Variants in NEK11 observed in about 807,000 individuals in gnomAD.
NEK11 encodes the protein NIMA related kinase 11.
A neutral mutation model predicts 80.7 loss-of-function variants in NEK11; 72 were observed. That is an observed-to-expected ratio of 0.89 (90% confidence interval 0.74 to 1.08). NEK11 has a LOEUF of 1.08. Among genes scored for constraint, NEK11 ranks in the 50% least tolerant of loss-of-function variants. NEK11 has a pLI of 0.00. For missense variants in NEK11, 764 were observed against 763.6 expected (o/e 1.00, Z -0.01); for synonymous variants, 251 against 260.7 (o/e 0.96, Z 0.36).
intron 10 of NEK11, among the ~76,000 whole-genome samples, chr3:131,159,765 C>CA (rs112766226): frequency 0.81 from 122,206 of 150,354 alleles, 49,678 homozygotes; most frequent in Admixed American, 0.85. Context: ...ACTCCATCTC[C>CA]AAAAAAAAAG....
chr3:131,071,983 C>G (rs535911144), intron 3 of NEK11, among the ~76,000 whole-genome samples: 2 of 152,274 alleles, frequency 1.3e-5, no homozygotes, highest in South Asian at 4.1e-4. Context: ...TAAGCATTTA[C>G]AAATGAGTGG....
intron 17 of NEK11, among the ~76,000 whole-genome samples, chr3:131,296,933 T>C (rs1018540674): frequency 6.6e-6 from 1 of 152,146 alleles, no homozygotes; most frequent in Non-Finnish European, 1.5e-5. Flanking sequence ...GTTCTTGCGA[T>C]AGTTTACTGA....
At chr3:131,115,282 G>A (rs536435651) in intron 5 of NEK11, among the ~76,000 whole-genome samples, 1 of 152,294 alleles carries the variant, frequency 6.6e-6, no homozygotes, top group Non-Finnish European at 1.5e-5. Flanking sequence ...TTTGGACAGG[G>A]ACTGAATTAC....
Position 131,153,063 on chromosome 3 carries a change from G to T in NEK11, c.876+354G>T, listed in dbSNP as rs559519838. On this transcript the variant is annotated intron_variant, in intron 9 of 17. Coordinates refer to ENST00000383366, the MANE Select transcript of NEK11 (RefSeq NM_024800.5). ...GATTGCGCCGCTGCACTCCAGCCTG[G>T]CAACAGAGTGAGACTCTGTCTCAAA... is the stretch of plus-strand genomic sequence containing the variant. Among the ~76,000 whole-genome samples, 4 of 152,240 alleles carry T rather than the reference G, an allele frequency of 2.6e-5. No individual in the cohort carries two copies. In the East Asian group the frequency reaches 5.8e-4, roughly 22 times the overall value.
intron 14 of NEK11, among the ~76,000 whole-genome samples, chr3:131,209,782 A>T (rs1027381531): frequency 4.6e-5 from 7 of 152,166 alleles, no homozygotes; most frequent in Non-Finnish European, 7.4e-5. Context: ...AGAGGTGTTT[A>T]TAGTATCCTC....
At chr3:131,319,877 A>T (rs1361476391) in intron 17 of NEK11, among the ~76,000 whole-genome samples, 1 of 152,128 alleles carries the variant, frequency 6.6e-6, no homozygotes, top group African/African-American at 2.4e-5. Flanking sequence ...CATAAAAACA[A>T]GTCTCCAAGT....
intron 14 of NEK11, among the ~76,000 whole-genome samples, chr3:131,214,707 G>GTA (rs2094758794): frequency 6.6e-6 from 1 of 151,520 alleles, no homozygotes; most frequent in Non-Finnish European, 1.5e-5. Context: ...GTGTGTGTGT[G>GTA]TGTGTGTGTG....
At chr3:131,047,985 G>T (rs2067685087) in intron 3 of NEK11, among the ~76,000 whole-genome samples, 2 of 152,248 alleles carry the variant, frequency 1.3e-5, no homozygotes, top group South Asian at 2.1e-4. Flanking sequence ...GTGGTTCTCA[G>T]GCCAGTGGGA....
intron 5 of NEK11, among the ~76,000 whole-genome samples, chr3:131,120,155 G>A (rs111786114): frequency 6.6e-6 from 1 of 152,148 alleles, no homozygotes; most frequent in East Asian, 1.9e-4. Context: ...CCTTCAGGAG[G>A]TCTTGTAAGG....
At chr3:131,136,809 A>G (rs1443696917) in intron 7 of NEK11, among the ~76,000 whole-genome samples, 1 of 152,188 alleles carries the variant, frequency 6.6e-6, no homozygotes, top group African/African-American at 2.4e-5. Flanking sequence ...ATACTCTTAT[A>G]CCCACAGGAG....
chr3:131,336,918 C>T (rs1322479424), intron 17 of NEK11, among the ~76,000 whole-genome samples: 2 of 151,980 alleles, frequency 1.3e-5, no homozygotes, highest in Non-Finnish European at 1.5e-5. Flanking sequence ...CAATGAGATA[C>T]CATCTCACAC....
At chr3:131,052,268 T>G (rs1263110622) in intron 3 of NEK11, among the ~76,000 whole-genome samples, 2 of 152,076 alleles carry the variant, frequency 1.3e-5, no homozygotes, top group Non-Finnish European at 2.9e-5. Context: ...TGTAGTATAA[T>G]TTATTTAACC....
intron 5 of NEK11, among the ~76,000 whole-genome samples, chr3:131,115,966 C>CTTTCTTTCTTTCTTTCTT (rs1553878582): frequency 4.8e-4 from 67 of 141,050 alleles, no homozygotes; most frequent in Middle Eastern, 3.5e-3. Flanking sequence ...TTCTTTCTTT[C>CTTTCTTTCTTTCTTTCTT]TTTCTTTCTT....
chr3:131,335,202 T>C (rs1561600032), intron 17 of NEK11, among the ~76,000 whole-genome samples: 3 of 152,204 alleles, frequency 2.0e-5, no homozygotes, highest in African/African-American at 7.2e-5. Context: ...TTGATGAACA[T>C]TGATGCAAAA....
intron 14 of NEK11, among the ~76,000 whole-genome samples, chr3:131,227,252 C>A (rs1197448966): frequency 6.6e-6 from 1 of 152,250 alleles, no homozygotes; most frequent in South Asian, 2.1e-4. Flanking sequence ...TTAACATCTT[C>A]TATTTCCAGG....
At chr3:131,081,961 T>G (rs1393094345) in intron 4 of NEK11, among the ~76,000 whole-genome samples, 1 of 152,236 alleles carries the variant, frequency 6.6e-6, no homozygotes. Context: ...AGTTAAAATA[T>G]CTGAACAAGT....
At chr3:131,210,229 A>G (rs1231684824) in intron 14 of NEK11, among the ~76,000 whole-genome samples, 2 of 151,980 alleles carry the variant, frequency 1.3e-5, no homozygotes, top group Non-Finnish European at 2.9e-5. Context: ...TTCTGCCTTC[A>G]TTTTGTTATT....
At chr3:131,212,468 G>T (rs564114645) in intron 14 of NEK11, among the ~76,000 whole-genome samples, 1 of 152,198 alleles carries the variant, frequency 6.6e-6, no homozygotes, top group African/African-American at 2.4e-5. Context: ...GAGGCAGTCT[G>T]TCCATTCTCA....
chr3:131,045,951 G>T (rs1286988767), intron 3 of NEK11, among the ~76,000 whole-genome samples: 1 of 152,006 alleles, frequency 6.6e-6, no homozygotes, highest in Non-Finnish European at 1.5e-5. Flanking sequence ...GTGCCCATTT[G>T]CATGGAATAT....
Sources: gnomAD v4.1 joint callset for allele counts (sites outside exome capture counted in the v4.1 genomes callset) on GRCh38, gnomAD v4.1.1 for gene constraint, MANE v1.5 for transcripts, NCBI Gene and HGNC (gene_info 2026-07-23, HGNC 2026-07-21) for gene names.